ITSN1: variants seen among roughly 807,000 people sequenced by gnomAD.
ITSN1 encodes the protein intersectin-1.
Under a neutral mutation model 239.8 loss-of-function variants are expected in ITSN1, and 58 were observed. The ratio of observed to expected loss-of-function variants is 0.24; its 90% confidence interval spans 0.20 to 0.30. ITSN1 has a LOEUF of 0.30. ITSN1 is among the 10% of genes least tolerant of loss of function. The pLI is 1.00. For synonymous variants in ITSN1, 780 were observed against 770.8 expected (o/e 1.01, Z -0.20); for missense variants, 1,558 against 2,103.3 (o/e 0.74, Z 5.07).
chr21:33,774,874 C>T lies in ITSN1; in HGVS notation c.1451C>T (p.Ala484Val). 1 of 1,610,594 alleles carries T rather than the reference C, an allele frequency of 6.2e-7. No individual in the cohort carries two copies. The highest frequency in any genetic ancestry group is 8.5e-7 in the Non-Finnish European group (1 of 1,178,912). Reference sequence around the variant, plus strand: ...AAGACTTTGGAATTTGAATTAGAAGCTCTAGTGAGTGAAGTTTGGTTATAC... The same window carrying T: ...AAGACTTTGGAATTTGAATTAGAAGTTCTAGTGAGTGAAGTTTGGTTATAC... The part of the protein sequence containing the change: ...KKKTLEFELE[A>V]LNDKKHQLEG... Residue 484 changes from alanine to valine, a missense_variant, in exon 13 of 40, where the codon GCT (alanine) becomes GTT (valine). Ala to Val is a moderately conservative substitution (Grantham distance 64). This residue lies in a region of ITSN1 where 982 missense variants were observed against 1,209.9 expected (regional missense o/e 0.81). Coordinates refer to ENST00000381318, the MANE Select transcript of ITSN1 (RefSeq NM_003024.3).
intron 31 of ITSN1, among the ~76,000 whole-genome samples, chr21:33,862,762 A>C (rs547187874): frequency 6.6e-6 from 1 of 152,334 alleles, no homozygotes; most frequent in East Asian, 1.9e-4. Flanking sequence ...ATTAGCTCTG[A>C]GACTTGGGTC....
At chr21:33,648,850 G>A (rs994594791) in intron 1 of ITSN1, among the ~76,000 whole-genome samples, 4 of 151,564 alleles carry the variant, frequency 2.6e-5, no homozygotes, top group African/African-American at 9.7e-5. Flanking sequence ...GGGAGGGCAG[G>A]GCAAGAGAGA....
chr21:33,823,367 C>A, intron 24 of ITSN1, 120 bp from the exon 25 acceptor site: 2 of 850,730 alleles, frequency 2.4e-6, no homozygotes, highest in Non-Finnish European at 3.7e-6. Flanking sequence ...CTGTGACTAG[C>A]CTTTCTCTTG....
chr21:33,821,528 C>T (rs574583957), intron 24 of ITSN1, among the ~76,000 whole-genome samples: 2 of 152,192 alleles, frequency 1.3e-5, no homozygotes, highest in African/African-American at 4.8e-5. Context: ...TGGCCAGTGC[C>T]CTCTGTGGAA....
At chr21:33,838,084 A>G (rs939187033) in intron 29 of ITSN1, 1 of 985,730 alleles carries the variant, frequency 1.0e-6, no homozygotes, top group Non-Finnish European at 1.2e-6. Flanking sequence ...ATTAATATGA[A>G]ATGGAGCTCA....
rs1167781702 is a variant in ITSN1, at chr21:33,897,131, AAGT to A, written c.*8834_*8836del. On this transcript the variant is annotated 3_prime_UTR_variant, in exon 40 of 40. Transcript: ENST00000381318. The stretch of plus-strand genomic sequence containing the variant: ...TCTGCTAAACATTCACTGTGACAGA[AAGT>A]AGATATTTTAGCAAGATCTATGTTA... The A allele has an allele frequency of 6.6e-6, 1 of 152,258 alleles. No homozygotes were observed. Among genetic ancestry groups the A allele is most frequent in the Admixed American group, 6.5e-5 (1 of 15,286 alleles). The allele number at this position is 152,258 out of a possible 1,614,324, so 9.4% of individuals were successfully genotyped here. A position where few individuals can be genotyped will look rare whatever the true frequency, so the allele number is the denominator to read the frequency against.
chr21:33,678,449 T>A (rs904281423), intron 1 of ITSN1, among the ~76,000 whole-genome samples: 1 of 152,258 alleles, frequency 6.6e-6, no homozygotes, highest in Admixed American at 6.5e-5. Context: ...TTTTGTTCAC[T>A]TCTGAATCCC....
chr21:33,794,927 C>G (rs562933136), intron 17 of ITSN1, among the ~76,000 whole-genome samples: 59 of 152,196 alleles, frequency 3.9e-4, no homozygotes, highest in African/African-American at 1.3e-3. Flanking sequence ...AATTTGCCAC[C>G]GCTGCTTAGT....
At chr21:33,871,973 A>C (rs1982826936) in intron 33 of ITSN1, among the ~76,000 whole-genome samples, 1 of 152,250 alleles carries the variant, frequency 6.6e-6, no homozygotes, top group Non-Finnish European at 1.5e-5. Flanking sequence ...GAGTTAATGT[A>C]TGCAAAGTGG....
chr21:33,722,981 T>C (rs1050076142), intron 4 of ITSN1, among the ~76,000 whole-genome samples: 2 of 152,200 alleles, frequency 1.3e-5, no homozygotes, highest in African/African-American at 4.8e-5. Flanking sequence ...ATGTCCCACA[T>C]TTCTTGCTTT....
Position 33,897,659 on chromosome 21 carries a change from C to T in ITSN1, c.*9359C>T, listed in dbSNP as rs1306600686. ...TGCTGTTAAATGTTGCATAAACTAA[C>T]ACAGATTCTGTAGTCAAAAATATTT... On this transcript the variant is annotated 3_prime_UTR_variant, in exon 40 of 40. Transcript: ENST00000381318. 1 of 152,272 alleles carries T rather than the reference C, an allele frequency of 6.6e-6. No individual in the cohort carries two copies. Among genetic ancestry groups the T allele is most frequent in the Middle Eastern group, 3.4e-3 (1 of 294 alleles). 9.4% of individuals were successfully genotyped at this position (152,272 alleles called of 1,614,324 possible).
chr21:33,850,153 C>G (rs2075112411), intron 29 of ITSN1, among the ~76,000 whole-genome samples: 1 of 152,220 alleles, frequency 6.6e-6, no homozygotes, highest in Admixed American at 6.5e-5. Context: ...ATCTTCACCA[C>G]TTCTCAGCAG....
chr21:33,799,692 T>C, intron 18 of ITSN1, 116 bp from the exon 19 acceptor site: 2 of 1,108,226 alleles, frequency 1.8e-6, no homozygotes, highest in Non-Finnish European at 2.6e-6. Context: ...TGGAGGGAAA[T>C]AGTTCAGAGG....
intron 1 of ITSN1, among the ~76,000 whole-genome samples, chr21:33,675,813 C>T (rs1390689608): frequency 6.6e-6 from 1 of 152,004 alleles, no homozygotes; most frequent in Admixed American, 6.6e-5. Flanking sequence ...TTTTGAATTT[C>T]TGCTCTTGTC....
chr21:33,864,822 A>T (rs1187821758), intron 31 of ITSN1, among the ~76,000 whole-genome samples: 1 of 152,124 alleles, frequency 6.6e-6, no homozygotes, highest in East Asian at 1.9e-4. Flanking sequence ...AGGCCACATC[A>T]ACCTGGGGCT....
rs2071848932 is a variant in ITSN1, at chr21:33,799,911, G to T, written c.2286G>T (p.Gln762His). ...GAAGCCATGATGAAATCACTATCCA[G>T]CCAGGAGACATAGTCATGGTAAGAA... ...ESRSHDEITIQPGDIVMVKGE... is the reference protein window; with the variant it reads ...ESRSHDEITIHPGDIVMVKGE... The change falls in exon 19 of 40, where the codon CAG becomes CAT. Residue 762 changes from glutamine (Q) to histidine (H), a missense_variant. Physicochemically the swap from Gln to His is conservative, Grantham distance 24. This residue lies in a region of ITSN1 where 982 missense variants were observed against 1,209.9 expected (regional missense o/e 0.81). Coordinates refer to ENST00000381318, the MANE Select transcript of ITSN1 (RefSeq NM_003024.3). 1 of 1,613,658 alleles carries T rather than the reference G, an allele frequency of 6.2e-7. No individual in the cohort carries two copies. Among genetic ancestry groups the T allele is most frequent in the Non-Finnish European group, 8.5e-7 (1 of 1,179,898 alleles).
In ITSN1 at chr21:33,844,704, G is replaced by C. The variant is rs187108385; in HGVS notation, c.3661+8072G>C. The stretch of plus-strand genomic sequence containing the variant: ...CCACTCTGTTTGTTAGGCCCCCCAG[G>C]AGAGCGAGCCTGCAGTCCGCCCCAG... On this transcript the variant is annotated intron_variant, in intron 29 of 39. Transcript: ENST00000381318. Among the ~76,000 whole-genome samples, 569 of 152,142 alleles carry C rather than the reference G, an allele frequency of 3.7e-3. 2 individuals are homozygous for C. Among genetic ancestry groups the C allele is most frequent in the African/African-American group, 0.013 (544 of 41,490 alleles).
chr21:33,723,148 CAG>C (rs1569025584), intron 4 of ITSN1, among the ~76,000 whole-genome samples: 3 of 152,260 alleles, frequency 2.0e-5, no homozygotes, highest in Admixed American at 6.5e-5. Context: ...ACAGGAAATA[CAG>C]AGAGTATAAT....
intron 29 of ITSN1, among the ~76,000 whole-genome samples, chr21:33,848,761 C>G (rs1397947083): frequency 3.9e-4 from 60 of 152,260 alleles, no homozygotes; most frequent in Non-Finnish European, 1.0e-4. Context: ...GCACCTGCCC[C>G]CAGGGCTCCA....
Sources: allele counts gnomAD v4.1 joint callset (sites outside exome capture counted in the v4.1 genomes callset), GRCh38; gene constraint gnomAD v4.1.1; regional missense constraint gnomAD v4.1.1; transcripts MANE v1.5; gene names NCBI Gene and HGNC (gene_info 2026-07-23, HGNC 2026-07-21).